PCDH15: variants seen among roughly 807,000 people sequenced by gnomAD.
The protein encoded by PCDH15 is protocadherin-15.
In PCDH15, 129 loss-of-function variants were observed where a neutral mutation model predicts 178.5. That is an observed-to-expected ratio of 0.72 (90% CI 0.63 to 0.84). PCDH15 has a LOEUF of 0.84. Ranked by LOEUF, PCDH15 falls within the 40% of genes least tolerant of loss-of-function variation. The pLI, the probability that PCDH15 is intolerant of heterozygous loss-of-function variation, is 0.00. For missense variants in PCDH15, 2,230 were observed against 2,099.9 expected, an observed-to-expected ratio of 1.06 and a Z score of -1.21; for synonymous variants, 800 against 732.0, an observed-to-expected ratio of 1.09 and a Z score of -1.50.
At chr10:54,547,778 T>C (rs2086027121) in intron 2 of PCDH15, among the ~76,000 whole-genome samples, 1 of 152,024 alleles carries the variant, frequency 6.6e-6, no homozygotes. Context: ...TTGAGGAATA[T>C]TTTAGGACAT....
intron 6 of PCDH15, among the ~76,000 whole-genome samples, chr10:54,334,206 G>A (rs1291171965): frequency 6.6e-6 from 1 of 152,140 alleles, no homozygotes; most frequent in African/African-American, 2.4e-5. Flanking sequence ...GACAACAACT[G>A]TCAAATAAGG....
intron 2 of PCDH15, chr10:55,366,138 C>T (rs1002122901): frequency 3.9e-5 from 6 of 152,126 alleles, no homozygotes; most frequent in Admixed American, 2.0e-4. Flanking sequence ...GAAATACGGA[C>T]TGCATGCATT....
chr10:54,003,323 T>C (rs2092252487), intron 20 of PCDH15, among the ~76,000 whole-genome samples: 1 of 152,060 alleles, frequency 6.6e-6, no homozygotes, highest in South Asian at 2.1e-4. Context: ...ACAGAAAGTT[T>C]GTTTTTTTAA....
At chr10:55,392,291 G>A (rs1010315909) in intron 2 of PCDH15, among the ~76,000 whole-genome samples, 1 of 152,204 alleles carries the variant, frequency 6.6e-6, no homozygotes, top group Non-Finnish European at 1.5e-5. Flanking sequence ...CTAAAAGTGA[G>A]GTTGGCACAG....
chr10:53,889,672 C>T (rs949715794), intron 26 of PCDH15, among the ~76,000 whole-genome samples: 2 of 152,042 alleles, frequency 1.3e-5, no homozygotes, highest in Non-Finnish European at 2.9e-5. Flanking sequence ...TTATGAATAT[C>T]CCCTTACCTA....
At chr10:54,279,874 G>A (rs1264923396) in intron 8 of PCDH15, among the ~76,000 whole-genome samples, 2 of 151,668 alleles carry the variant, frequency 1.3e-5, no homozygotes, top group Non-Finnish European at 3.0e-5. Context: ...GAAAAGGCAG[G>A]AGAAAAAATA....
chr10:54,285,069 T>A (rs1027490805), intron 8 of PCDH15, among the ~76,000 whole-genome samples: 3 of 152,186 alleles, frequency 2.0e-5, no homozygotes, highest in Non-Finnish European at 4.4e-5. Context: ...CCATAAATAT[T>A]TTTCACCAAT....
At chr10:54,596,341 G>T (rs769481799) in intron 2 of PCDH15, among the ~76,000 whole-genome samples, 4 of 152,084 alleles carry the variant, frequency 2.6e-5, no homozygotes, top group Non-Finnish European at 4.4e-5. Flanking sequence ...TCCAGCCAAA[G>T]AAATTTATAT....
intron 2 of PCDH15, among the ~76,000 whole-genome samples, chr10:54,912,045 T>C (rs977921435): frequency 1.3e-5 from 2 of 151,660 alleles, no homozygotes; most frequent in Admixed American, 6.6e-5. Context: ...AATGACATGA[T>C]TTATGAATAG....
chr10:54,972,003 C>A (rs1014889261), intron 2 of PCDH15, among the ~76,000 whole-genome samples: 2 of 152,126 alleles, frequency 1.3e-5, no homozygotes, highest in East Asian at 1.9e-4. Flanking sequence ...ACTACGGATA[C>A]AAACACAATC....
chr10:54,099,324 C>T (rs900566447), intron 15 of PCDH15, among the ~76,000 whole-genome samples: 8 of 150,536 alleles, frequency 5.3e-5, no homozygotes, highest in Non-Finnish European at 8.8e-5. Context: ...CATGGTGAAA[C>T]CCCATCTCTA....
intron 2 of PCDH15, among the ~76,000 whole-genome samples, chr10:55,071,441 G>A (rs1018664007): frequency 6.6e-6 from 1 of 152,102 alleles, no homozygotes; most frequent in Non-Finnish European, 1.5e-5. Context: ...GGCAGGGGTT[G>A]CAATCCTAGT....
rs375183495 is a variant in PCDH15, at chr10:54,218,378, A to G, written c.986-4330T>C. 1.6e-4 allele frequency among the ~76,000 whole-genome samples: 24 copies of G among 152,342 alleles called. No individual in the cohort carries two copies. The East Asian group carries it at 4.6e-3, about 29-fold the overall frequency. On this transcript the variant is annotated intron_variant, in intron 9 of 37. Coordinates refer to ENST00000644397, the MANE Select transcript of PCDH15 (RefSeq NM_001384140.1). ...GCCTGAGTTGTCCCCCTCACCATTA[A>G]CAATTTTATGTTGAAGCCCTTACTC...
At chr10:55,248,580 C>CT (rs1410728533) in intron 1 of PCDH15, among the ~76,000 whole-genome samples, 8 of 151,822 alleles carry the variant, frequency 5.3e-5, no homozygotes, top group South Asian at 2.1e-4. Context: ...AAAATGTCCC[C>CT]TTTTTTTTGA....
intron 8 of PCDH15, among the ~76,000 whole-genome samples, chr10:54,303,687 G>A (rs981424776): frequency 1.3e-5 from 2 of 152,044 alleles, no homozygotes; most frequent in Non-Finnish European, 2.9e-5. Context: ...CTCAACACAG[G>A]AAATATTTAT....
intron 14 of PCDH15, among the ~76,000 whole-genome samples, chr10:54,150,545 T>A (rs1336965598): frequency 6.6e-6 from 1 of 152,080 alleles, no homozygotes; most frequent in Non-Finnish European, 1.5e-5. Flanking sequence ...CTACTTTTTT[T>A]CTATTTATAT....
At position 54,708,726 on chromosome 10, in the gene PCDH15, C is replaced by G. The variant is rs72794532; in HGVS notation, c.-28-44436G>C. The stretch of plus-strand genomic sequence containing the variant: ...CTGAACTATTTCAAATATCTGACTC[C>G]TAATTGTGCAACCTTAAGGCTGTCA... On this transcript the variant is annotated intron_variant, in intron 1 of 37. Transcript: ENST00000644397. Among the ~76,000 whole-genome samples the G allele has an allele frequency of 4.2e-3, 633 of 151,906 alleles. 2 individuals are homozygous for G. The highest frequency in any genetic ancestry group is 0.014 in the African/African-American group (590 of 41,424).
intron 3 of PCDH15, among the ~76,000 whole-genome samples, chr10:54,435,987 A>G (rs1326568009): frequency 1.7e-5 from 2 of 119,996 alleles, no homozygotes; most frequent in Admixed American, 8.3e-5. Context: ...TGAAAGAAAG[A>G]AAAGAAAAGA....
At chr10:55,071,786 G>C (rs1841753431) in intron 2 of PCDH15, among the ~76,000 whole-genome samples, 2 of 152,008 alleles carry the variant, frequency 1.3e-5, no homozygotes, top group South Asian at 4.1e-4. Context: ...CAAATCAAGA[G>C]AATATACATT....
Sources: gnomAD v4.1 joint callset for allele counts (sites outside exome capture counted in the v4.1 genomes callset) on GRCh38, gnomAD v4.1.1 for gene constraint, MANE v1.5 for transcripts, NCBI Gene and HGNC (gene_info 2026-07-23, HGNC 2026-07-21) for gene names.